The following ITPRID1 variants were observed in gnomAD, a reference collection of about 807,000 sequenced individuals.
ITPRID1 encodes the protein protein ITPRID1.
Under a neutral mutation model 95.4 loss-of-function variants are expected in ITPRID1, and 96 were observed. The observed-to-expected ratio is 1.01, with a 90% CI of 0.85 to 1.19. The LOEUF is 1.19. Ranked by LOEUF, ITPRID1 falls within the 50% of genes most tolerant of loss-of-function variation. The probability of loss-of-function intolerance (pLI) is 0.00; values close to 1 mark genes in which losing one functional copy is unlikely to be tolerated. For synonymous variants in ITPRID1, 510 were observed against 453.6 expected, an observed-to-expected ratio of 1.12 and a Z score of -1.58; for missense variants, 1,339 against 1,252.9, an observed-to-expected ratio of 1.07 and a Z score of -1.04.
At chr7:31,601,094 C>T (rs1344890838) in intron 10 of ITPRID1, among the ~76,000 whole-genome samples, 3 of 151,900 alleles carry the variant, frequency 2.0e-5, no homozygotes, top group Non-Finnish European at 4.4e-5. Context: ...GAAAACAGAC[C>T]CTAGTCTCAT....
At chr7:31,570,618 T>C (rs1328242312) in intron 6 of ITPRID1, among the ~76,000 whole-genome samples, 2 of 152,220 alleles carry the variant, frequency 1.3e-5, no homozygotes, top group Non-Finnish European at 2.9e-5. Context: ...TTTTTGCTAC[T>C]TATAGAATCA....
At chr7:31,632,656 T>A (rs538579032) in intron 10 of ITPRID1, among the ~76,000 whole-genome samples, 3 of 152,086 alleles carry the variant, frequency 2.0e-5, no homozygotes, top group Admixed American at 6.6e-5. Flanking sequence ...CCTTAGGCTG[T>A]GTGTATGGAA....
In ITPRID1 at chr7:31,654,559, G is replaced by C. The variant is rs1205105649; in HGVS notation, c.*1730G>C. Reference sequence around the variant, plus strand: ...ACAGTGAGGCAGAGTGCCCAGCTAGGAGGCTGTTGCTGTCATCCCCAAGGT... The same window carrying C: ...ACAGTGAGGCAGAGTGCCCAGCTAGCAGGCTGTTGCTGTCATCCCCAAGGT... On this transcript the variant is annotated 3_prime_UTR_variant, in exon 15 of 15. Transcript: ENST00000615280. 6.6e-6 allele frequency among the ~76,000 whole-genome samples: 1 copy of C among 152,184 alleles called. No homozygotes were observed. The highest frequency in any genetic ancestry group is 1.9e-4 in the East Asian group (1 of 5,184).
intron 5 of ITPRID1, among the ~76,000 whole-genome samples, chr7:31,562,147 T>G (rs1784647229): frequency 6.7e-6 from 1 of 150,132 alleles, no homozygotes; most frequent in South Asian, 2.1e-4. Context: ...GCTATCTGGC[T>G]GAGATATGCA....
At chr7:31,534,896 C>T (rs1188878524) in intron 1 of ITPRID1, among the ~76,000 whole-genome samples, 1 of 151,802 alleles carries the variant, frequency 6.6e-6, no homozygotes, top group Non-Finnish European at 1.5e-5. Flanking sequence ...TACATTTTAT[C>T]TTCGCTTTTT....
chr7:31,535,897 T>C (rs1184550759), intron 1 of ITPRID1, among the ~76,000 whole-genome samples: 2 of 152,086 alleles, frequency 1.3e-5, no homozygotes, highest in African/African-American at 2.4e-5. Flanking sequence ...CTTTGTCTTC[T>C]AGATACTTTT....
intron 12 of ITPRID1, 128 bp from the exon 13 acceptor site, chr7:31,651,014 C>T (rs2128219497): frequency 2.0e-6 from 2 of 979,332 alleles, no homozygotes; most frequent in Non-Finnish European, 3.0e-6. Flanking sequence ...ATTCCCTCCC[C>T]CTTATATTAG....
At chr7:31,541,020 A>G (rs1258663819) in intron 1 of ITPRID1, among the ~76,000 whole-genome samples, 2 of 152,222 alleles carry the variant, frequency 1.3e-5, no homozygotes, top group African/African-American at 2.4e-5. Flanking sequence ...TTTTTACTGC[A>G]TTATGCAAAT....
intron 12 of ITPRID1, among the ~76,000 whole-genome samples, chr7:31,647,867 T>C (rs959483342): frequency 2.6e-5 from 4 of 152,146 alleles, no homozygotes; most frequent in Non-Finnish European, 4.4e-5. Context: ...GACTAATTGA[T>C]AAATGCCATT....
chr7:31,651,033 C>A (rs1191283979), intron 12 of ITPRID1, 109 bp from the exon 13 acceptor site: 2 of 1,226,334 alleles, frequency 1.6e-6, no homozygotes, highest in Admixed American at 2.3e-5. Context: ...AGCAGTAGGG[C>A]CTGTTTGCGA....
At chr7:31,646,125 A>T (rs1235311769) in intron 12 of ITPRID1, among the ~76,000 whole-genome samples, 1 of 152,220 alleles carries the variant, frequency 6.6e-6, no homozygotes, top group African/African-American at 2.4e-5. Flanking sequence ...CAAGCATTAC[A>T]AAGATTTTAA....
intron 10 of ITPRID1, among the ~76,000 whole-genome samples, chr7:31,587,991 A>T (rs1040274651): frequency 1.3e-5 from 2 of 152,196 alleles, no homozygotes; most frequent in African/African-American, 2.4e-5. Flanking sequence ...ATCTTTAGGA[A>T]TTAATATTCT....
At chr7:31,559,447 G>C (rs1264892412) in intron 5 of ITPRID1, among the ~76,000 whole-genome samples, 2 of 152,242 alleles carry the variant, frequency 1.3e-5, no homozygotes, top group East Asian at 3.9e-4. Context: ...GATCACTTGA[G>C]GCCAGGAGTT....
intron 9 of ITPRID1, among the ~76,000 whole-genome samples, chr7:31,581,899 A>G (rs1785417939): frequency 6.6e-6 from 1 of 152,012 alleles, no homozygotes; most frequent in African/African-American, 2.4e-5. Flanking sequence ...TTACAAGTGT[A>G]AAGTAACTGA....
At chr7:31,633,042 A>G (rs1045122886) in intron 10 of ITPRID1, among the ~76,000 whole-genome samples, 4 of 151,968 alleles carry the variant, frequency 2.6e-5, no homozygotes, top group Admixed American at 2.0e-4. Flanking sequence ...GGGCACCATC[A>G]TGCCCAGCTA....
intron 10 of ITPRID1, among the ~76,000 whole-genome samples, chr7:31,636,740 T>C (rs1789520685): frequency 6.6e-6 from 1 of 151,746 alleles, no homozygotes; most frequent in Non-Finnish European, 1.5e-5. Context: ...ATTTTATTAT[T>C]ATTATACTTT....
chr7:31,589,320 A>C (rs1020008858), intron 10 of ITPRID1, among the ~76,000 whole-genome samples: 14 of 152,126 alleles, frequency 9.2e-5, no homozygotes, highest in African/African-American at 3.1e-4. Flanking sequence ...TACTTATCTG[A>C]GTTTCAGAAG....
chr7:31,656,010 G>T lies in ITPRID1; in HGVS notation c.*3181G>T. On this transcript the variant is annotated 3_prime_UTR_variant, in exon 15 of 15. Coordinates refer to ENST00000615280, the MANE Select transcript of ITPRID1 (RefSeq NM_001257967.3). ...CCTGTGTTCCTGCTTCCTCTCCTTTGCTGAAACAAATGAAGTATCTCACCA... is the reference window on the plus strand; with the variant it reads ...CCTGTGTTCCTGCTTCCTCTCCTTTTCTGAAACAAATGAAGTATCTCACCA... 1.0e-6 allele frequency: 1 copy of T among 985,078 alleles called. No homozygotes were observed. Among genetic ancestry groups the T allele is most frequent in the Non-Finnish European group, 1.2e-6 (1 of 829,692 alleles). The allele number at this position is 985,078 out of a possible 1,614,324, so 61.0% of individuals were successfully genotyped here.
At chr7:31,616,447 G>GGGAGAGTTTGTGTTAAAGTGATGTATT (rs1305928275) in intron 10 of ITPRID1, among the ~76,000 whole-genome samples, 2 of 152,014 alleles carry the variant, frequency 1.3e-5, no homozygotes, top group Non-Finnish European at 2.9e-5. Flanking sequence ...ATGGACCTCA[G>GGGAGAGTTTGTGTTAAAGTGATGTATT]GGAGAGTTTG....
Sources: gnomAD v4.1 joint callset for allele counts (sites outside exome capture counted in the v4.1 genomes callset) on GRCh38, gnomAD v4.1.1 for gene constraint, MANE v1.5 for transcripts, NCBI Gene and HGNC (gene_info 2026-07-23, HGNC 2026-07-21) for gene names.